TEX101: variants seen among roughly 807,000 people sequenced by gnomAD.
The protein encoded by TEX101 is testis-expressed protein 101.
Under a neutral mutation model 18.1 loss-of-function variants are expected in TEX101, and 10 were observed. That is an observed-to-expected ratio of 0.55 (90% CI 0.34 to 0.94). The LOEUF is 0.94. Ranked by LOEUF, TEX101 falls within the 40% of genes least tolerant of loss-of-function variation. The pLI, the probability that TEX101 is intolerant of heterozygous loss-of-function variation, is 0.02. For missense variants in TEX101, 259 were observed against 298.9 expected (o/e 0.87, Z 0.98); for synonymous variants, 94 against 114.8 (o/e 0.82, Z 1.16).
chr19:43,390,211 T>A, the TEX101 span, among the ~76,000 whole-genome samples: 7 of 152,088 alleles, frequency 4.6e-5, no homozygotes, highest in Non-Finnish European at 7.4e-5. Context: ...GAAATTTGCA[T>A]CCGTGTGTAT....
intron 4 of TEX101, among the ~76,000 whole-genome samples, chr19:43,416,926 G>A (rs984774018): frequency 2.0e-5 from 3 of 151,698 alleles, no homozygotes; most frequent in Admixed American, 6.6e-5. Flanking sequence ...CCAGATACTC[G>A]GGAAGCTGAG....
chr19:43,408,121 C>A lies in TEX101; in HGVS notation c.15+1602C>A, dbSNP rs549342823. The stretch of plus-strand genomic sequence containing the variant: ...CGGCCTCTGGTATGGGAACCAGTGA[C>A]GTCTCTCCCGTGAGCCTGCCCGAGC... On this transcript the variant is annotated intron_variant, in intron 3 of 7. Coordinates refer to the TEX101 transcript ENST00000602198. Among the ~76,000 whole-genome samples, 395 of 152,360 alleles carry A rather than the reference C, an allele frequency of 2.6e-3. 2 individuals carry two copies. The highest frequency in any genetic ancestry group is 9.3e-3 in the African/African-American group (387 of 41,586).
chr19:43,418,452 T>TA lies in TEX101; in HGVS notation c.*56dup, dbSNP rs1970507570. On this transcript the variant is annotated 3_prime_UTR_variant, in exon 6 of 6. Coordinates refer to ENST00000598265, the MANE Select transcript of TEX101 (RefSeq NM_001130011.3). The stretch of plus-strand genomic sequence containing the variant: ...CATCTTTTTTGACTGGGAGCCTTCT[T>TA]ACTGTTGAGGTTCAACAAGCTGAGG... 1.3e-6 allele frequency: 2 copies of TA among 1,489,132 alleles called. No homozygotes were observed. The highest frequency in any genetic ancestry group is 1.8e-6 in the Non-Finnish European group (2 of 1,083,868). The allele number at this position is 1,489,132 out of a possible 1,614,324, so 92.2% of individuals were successfully genotyped here. A position where few individuals can be genotyped will look rare whatever the true frequency, so the allele number is the denominator to read the frequency against.
At chr19:43,403,191 G>A (rs997370471) in intron 2 of TEX101, among the ~76,000 whole-genome samples, 7 of 152,122 alleles carry the variant, frequency 4.6e-5, no homozygotes, top group African/African-American at 7.2e-5. Flanking sequence ...TCTGTGGACC[G>A]TATTGGATTC....
In TEX101 at chr19:43,404,841, GAAAT is replaced by G. The variant is rs568258536; in HGVS notation, c.-282-1375_-282-1372del. Among the ~76,000 whole-genome samples, 102 of 151,462 alleles carry G rather than the reference GAAAT, an allele frequency of 6.7e-4. No homozygotes were observed. The East Asian group carries it at 0.017, about 25-fold the overall frequency. On this transcript the variant is annotated intron_variant, in intron 2 of 7. Coordinates refer to the TEX101 transcript ENST00000602198. ...TAATTTAAAATTTTAAAATATATAA[GAAAT>G]AAATAAGCCTGAAACAAAGGTATTT...
At chr19:43,405,730 G>T (rs1181160912) in intron 2 of TEX101, among the ~76,000 whole-genome samples, 1 of 151,844 alleles carries the variant, frequency 6.6e-6, no homozygotes, top group Non-Finnish European at 1.5e-5. Context: ...TTTGAGACCA[G>T]CCTGACCAAC....
chr19:43,400,586 A>G (rs959104977), upstream of TEX101, among the ~76,000 whole-genome samples: 14 of 152,238 alleles, frequency 9.2e-5, no homozygotes, highest in African/African-American at 3.1e-4. Flanking sequence ...AGCAAGATCT[A>G]TCTCACTAGA....
At chr19:43,407,865 G>T in intron 3 of TEX101, among the ~76,000 whole-genome samples, 1 of 152,226 alleles carries the variant, frequency 6.6e-6, no homozygotes, top group Admixed American at 6.5e-5. Context: ...AGGGTGGCCG[G>T]CCCCTCGCCC....
chr19:43,414,529 T>C (rs938533030), upstream of TEX101, among the ~76,000 whole-genome samples: 9 of 151,900 alleles, frequency 5.9e-5, no homozygotes, highest in Non-Finnish European at 8.8e-5. Flanking sequence ...GAGAGGCCAT[T>C]TGGGTAGGGA....
upstream of TEX101, among the ~76,000 whole-genome samples, chr19:43,409,900 G>A (rs1400099386): frequency 6.6e-6 from 1 of 152,110 alleles, no homozygotes; most frequent in Non-Finnish European, 1.5e-5. Flanking sequence ...TAATTAGCTG[G>A]CATGGTGACA....
Position 43,416,489 on chromosome 19 carries a change from T to C in TEX101, c.325T>C (p.Cys109Arg). The change falls in exon 4 of 6, where the codon TGT becomes CGT. Residue 109 changes from cysteine to arginine, a missense_variant. Cys to Arg is a radical substitution (Grantham distance 180). Coordinates refer to ENST00000598265, the MANE Select transcript of TEX101 (RefSeq NM_001130011.3). ...GATCGTGACCTCCTACAGTAACTACTGTGAGGATTCCTTCTGTAATGACAA... is the reference window on the plus strand; with the variant it reads ...GATCGTGACCTCCTACAGTAACTACCGTGAGGATTCCTTCTGTAATGACAA... ...GLIVTSYSNY[C>R]EDSFCNDKDS... 1 of 1,614,210 alleles carries C rather than the reference T, an allele frequency of 6.2e-7. No homozygotes were observed. The highest frequency in any genetic ancestry group is 8.5e-7 in the Non-Finnish European group (1 of 1,180,030).
chr19:43,414,180 T>C (rs1183111513), upstream of TEX101, among the ~76,000 whole-genome samples: 1 of 151,070 alleles, frequency 6.6e-6, no homozygotes, highest in Non-Finnish European at 1.5e-5. Flanking sequence ...GAAGGTTACA[T>C]AGATGTGAAA....
upstream of TEX101, among the ~76,000 whole-genome samples, chr19:43,413,172 G>A (rs572371915): frequency 2.8e-4 from 43 of 152,246 alleles, 1 homozygote; most frequent in African/African-American, 7.7e-4. Context: ...GATTTATCAC[G>A]ACCCTTTCAT....
At chr19:43,415,738 C>T (rs1439455181) in intron 1 of TEX101, 143 bp from the exon 2 acceptor site, 21 of 695,136 alleles carry the variant, frequency 3.0e-5, no homozygotes, top group South Asian at 1.6e-4. Flanking sequence ...CCAGCCTGGG[C>T]GACAGTGCAA....
chr19:43,398,761 A>T (rs1568454445), upstream of TEX101, among the ~76,000 whole-genome samples: 1 of 152,152 alleles, frequency 6.6e-6, no homozygotes, highest in African/African-American at 2.4e-5. Flanking sequence ...TACTAGTAAG[A>T]TACGTCCTTC....
At position 43,409,240 on chromosome 19, in the gene TEX101, T is replaced by C. The variant is rs1970398068; in HGVS notation, c.15+2721T>C. Among the ~76,000 whole-genome samples the C allele has an allele frequency of 2.0e-5, 3 of 152,164 alleles. No individual in the cohort carries two copies. The South Asian group carries it at 6.2e-4, about 32-fold the overall frequency. ...ACTGAAATAGCTGGACTGCTAACAG[T>C]TGGGTGCTTGCCTTATTTGAACCAG... is the stretch of plus-strand genomic sequence containing the variant. On this transcript the variant is annotated intron_variant, in intron 3 of 7. Transcript: ENST00000602198.
At chr19:43,407,316 C>CAAAATTT (rs1220224410) in intron 3 of TEX101, among the ~76,000 whole-genome samples, 1 of 152,078 alleles carries the variant, frequency 6.6e-6, no homozygotes, top group Non-Finnish European at 1.5e-5. Context: ...AAACCCCCAT[C>CAAAATTT]TCTACTGAAA....
the TEX101 span, among the ~76,000 whole-genome samples, chr19:43,393,372 C>T: frequency 6.6e-6 from 1 of 152,200 alleles, no homozygotes; most frequent in Non-Finnish European, 1.5e-5. Flanking sequence ...TCCATCGTTT[C>T]CTGGCCTTCG....
the TEX101 span, among the ~76,000 whole-genome samples, chr19:43,392,114 G>A: frequency 2.0e-5 from 3 of 152,092 alleles, no homozygotes; most frequent in African/African-American, 7.2e-5. Flanking sequence ...AAATGATAAA[G>A]ACCCAGAGAG....
Sources: gnomAD v4.1 joint callset for allele counts (sites outside exome capture counted in the v4.1 genomes callset) on GRCh38, gnomAD v4.1.1 for gene constraint, MANE v1.5 for transcripts, NCBI Gene and HGNC (gene_info 2026-07-23, HGNC 2026-07-21) for gene names.